PDZRN4: variants seen among roughly 807,000 people sequenced by gnomAD.
PDZRN4 encodes PDZ domain-containing RING finger protein 4.
A neutral mutation model predicts 99.0 loss-of-function variants in PDZRN4; 70 were observed. The observed-to-expected ratio is 0.71, with a 90% confidence interval of 0.58 to 0.86. The LOEUF (loss-of-function observed/expected upper bound fraction) is 0.86. Ranked by LOEUF, PDZRN4 falls within the 40% of genes least tolerant of loss-of-function variation. The pLI is 0.00. For missense variants in PDZRN4, 1,474 were observed against 1,331.2 expected (o/e 1.11, Z -1.67); for synonymous variants, 551 against 501.6 (o/e 1.10, Z -1.32).
intron 3 of PDZRN4, among the ~76,000 whole-genome samples, chr12:41,362,152 A>G (rs376152178): frequency 6.6e-6 from 1 of 151,936 alleles, no homozygotes; most frequent in Admixed American, 6.6e-5. Flanking sequence ...TTCAATCAGA[A>G]GAAGTTTTAT....
intron 4 of PDZRN4, among the ~76,000 whole-genome samples, chr12:41,508,268 T>C (rs986772391): frequency 1.3e-5 from 2 of 152,158 alleles, no homozygotes; most frequent in African/African-American, 2.4e-5. Flanking sequence ...TGCATCTTGC[T>C]GCTCTTCCTA....
chr12:41,239,961 C>T (rs372661895), intron 3 of PDZRN4, among the ~76,000 whole-genome samples: 1 of 152,022 alleles, frequency 6.6e-6, no homozygotes, highest in South Asian at 2.1e-4. Context: ...ATCAGTTTTC[C>T]CTTTTTAGAG....
At chr12:41,193,689 T>C (rs1336680966) in intron 2 of PDZRN4, among the ~76,000 whole-genome samples, 1 of 152,258 alleles carries the variant, frequency 6.6e-6, no homozygotes, top group African/African-American at 2.4e-5. Flanking sequence ...AAACCAGTTA[T>C]ACAGTGGGAA....
intron 3 of PDZRN4, among the ~76,000 whole-genome samples, chr12:41,462,062 C>T (rs542303564): frequency 1.2e-4 from 19 of 152,234 alleles, no homozygotes; most frequent in Middle Eastern, 6.8e-3. Context: ...TATGACTATG[C>T]GATATCTATC....
At chr12:41,489,808 G>A (rs1937849150) in intron 3 of PDZRN4, among the ~76,000 whole-genome samples, 1 of 151,882 alleles carries the variant, frequency 6.6e-6, no homozygotes, top group African/African-American at 2.4e-5. Context: ...CAAGGGCCAA[G>A]TTCAGCCAAT....
chr12:41,371,538 A>G (rs766926688), intron 3 of PDZRN4, among the ~76,000 whole-genome samples: 79 of 152,200 alleles, frequency 5.2e-4, no homozygotes, highest in Non-Finnish European at 9.9e-4. Context: ...ACTAGGTCCT[A>G]GATTCTGTAG....
intron 5 of PDZRN4, among the ~76,000 whole-genome samples, chr12:41,544,817 T>C (rs181831265): frequency 5.6e-4 from 85 of 152,184 alleles, no homozygotes; most frequent in African/African-American, 1.9e-3. Context: ...GAAAGAGCAA[T>C]ATACTATGAA....
At chr12:41,383,443 A>C (rs1383922797) in intron 3 of PDZRN4, among the ~76,000 whole-genome samples, 1 of 152,242 alleles carries the variant, frequency 6.6e-6, no homozygotes, top group African/African-American at 2.4e-5. Context: ...CAACTTAAAT[A>C]AAAATGTATG....
chr12:41,240,985 A>T (rs1443986968), intron 3 of PDZRN4, among the ~76,000 whole-genome samples: 3 of 152,166 alleles, frequency 2.0e-5, no homozygotes, highest in Non-Finnish European at 4.4e-5. Flanking sequence ...TGGATTATGA[A>T]GTTTTAGAGT....
chr12:41,191,926 G>A (rs1950738305), intron 2 of PDZRN4, among the ~76,000 whole-genome samples: 1 of 151,796 alleles, frequency 6.6e-6, no homozygotes. Flanking sequence ...GGGATTACAG[G>A]CTCCTGCCAC....
intron 5 of PDZRN4, among the ~76,000 whole-genome samples, chr12:41,541,791 C>T (rs1338218039): frequency 1.3e-5 from 2 of 152,168 alleles, no homozygotes; most frequent in African/African-American, 2.4e-5. Flanking sequence ...TGAAGGCACT[C>T]TTGTGGATCA....
chr12:41,282,142 G>A (rs898200509), intron 3 of PDZRN4, among the ~76,000 whole-genome samples: 16 of 152,042 alleles, frequency 1.1e-4, no homozygotes, highest in African/African-American at 3.6e-4. Flanking sequence ...CATGTGCAAC[G>A]ATACACATAG....
In PDZRN4 at chr12:41,284,918, T is replaced by G. The variant is rs537638805; in HGVS notation, c.843+90730T>G. Among the ~76,000 whole-genome samples, 3 of 152,164 alleles carry G rather than the reference T, an allele frequency of 2.0e-5. No homozygotes were observed. In the South Asian group the frequency reaches 6.2e-4, roughly 32 times the overall value. ...ACCTTAAAAACCCTAGAAGAAAACC[T>G]AGGCAATACCATTCAGGACATAGCA... On this transcript the variant is annotated intron_variant, in intron 3 of 9. Transcript: ENST00000402685.
intron 7 of PDZRN4, among the ~76,000 whole-genome samples, chr12:41,563,280 G>A (rs1032392789): frequency 3.9e-5 from 6 of 152,126 alleles, no homozygotes; most frequent in African/African-American, 1.4e-4. Context: ...GGTTAATTGT[G>A]TTGCTAGATG....
intron 5 of PDZRN4, among the ~76,000 whole-genome samples, chr12:41,514,100 G>C (rs937911318): frequency 2.7e-4 from 41 of 151,988 alleles, no homozygotes; most frequent in Non-Finnish European, 8.8e-5. Flanking sequence ...AAAAAATTTA[G>C]AACTTTGCTT....
At chr12:41,436,728 T>C in intron 3 of PDZRN4, among the ~76,000 whole-genome samples, 1 of 152,200 alleles carries the variant, frequency 6.6e-6, no homozygotes, top group East Asian at 1.9e-4. Context: ...ATACAACACA[T>C]GTATTTGCAA....
intron 3 of PDZRN4, among the ~76,000 whole-genome samples, chr12:41,446,857 T>C (rs1952733403): frequency 6.6e-6 from 1 of 151,848 alleles, no homozygotes; most frequent in Non-Finnish European, 1.5e-5. Context: ...GCAATTTTTT[T>C]TTTTTTTTTT....
chr12:41,304,922 G>A (rs949533333), intron 3 of PDZRN4, among the ~76,000 whole-genome samples: 1 of 152,182 alleles, frequency 6.6e-6, no homozygotes, highest in African/African-American at 2.4e-5. Flanking sequence ...CTACATGGTT[G>A]GGTCTTGCAG....
chr12:41,330,081 T>C (rs547342538), intron 3 of PDZRN4, among the ~76,000 whole-genome samples: 37 of 152,266 alleles, frequency 2.4e-4, no homozygotes, highest in African/African-American at 8.9e-4. Flanking sequence ...TATTTGATTT[T>C]CCATAACAAT....
Sources: allele counts gnomAD v4.1 joint callset (sites outside exome capture counted in the v4.1 genomes callset), GRCh38; gene constraint gnomAD v4.1.1; transcripts MANE v1.5; gene names NCBI Gene and HGNC (gene_info 2026-07-23, HGNC 2026-07-21).